The following TLL1 variants were observed in gnomAD, a reference collection of about 807,000 sequenced individuals.
The protein encoded by TLL1 is tolloid-like protein 1.
Under a neutral mutation model 128.2 loss-of-function variants are expected in TLL1, and 49 were observed. The ratio of observed to expected loss-of-function variants is 0.38; its 90% CI spans 0.30 to 0.48. The LOEUF (loss-of-function observed/expected upper bound fraction) is 0.48. Among genes scored for constraint, TLL1 ranks in the 20% least tolerant of loss-of-function variants. The probability of loss-of-function intolerance (pLI) is 0.96; values close to 1 mark genes in which losing one functional copy is unlikely to be tolerated. For synonymous variants in TLL1, 454 were observed against 418.8 expected (o/e 1.08, Z -1.03); for missense variants, 1,123 against 1,242.0 (o/e 0.90, Z 1.44).
At chr4:166,001,573 T>C (rs1737152640) in intron 5 of TLL1, among the ~76,000 whole-genome samples, 1 of 151,932 alleles carries the variant, frequency 6.6e-6, no homozygotes, top group Admixed American at 6.6e-5. Context: ...CCAAGACAGG[T>C]GGATCACCTG....
chr4:165,937,263 G>C (rs574177383), intron 1 of TLL1, among the ~76,000 whole-genome samples: 1 of 152,200 alleles, frequency 6.6e-6, no homozygotes, highest in South Asian at 2.1e-4. Flanking sequence ...TGATGTGTTT[G>C]TTCAAATATG....
At chr4:165,944,673 A>C (rs1051779853) in intron 1 of TLL1, among the ~76,000 whole-genome samples, 1 of 152,138 alleles carries the variant, frequency 6.6e-6, no homozygotes, top group Admixed American at 6.6e-5. Flanking sequence ...AACCAGGAGA[A>C]ACCCAGTAGG....
intron 5 of TLL1, among the ~76,000 whole-genome samples, chr4:166,000,870 A>G (rs1737116535): frequency 6.6e-6 from 1 of 152,150 alleles, no homozygotes; most frequent in South Asian, 2.1e-4. Flanking sequence ...TTCACCCACC[A>G]ATCACCTCTT....
At chr4:166,087,591 T>A (rs1431731434) in intron 18 of TLL1, among the ~76,000 whole-genome samples, 2 of 152,174 alleles carry the variant, frequency 1.3e-5, no homozygotes, top group African/African-American at 4.8e-5. Context: ...CTTCTTTTAG[T>A]TTAAATGTTC....
At position 166,102,347 on chromosome 4, in the gene TLL1, T is replaced by C. The variant is rs945529615; in HGVS notation, c.*1471T>C. 3.3e-5 allele frequency: 5 copies of C among 152,438 alleles called. No homozygotes were observed. Among genetic ancestry groups the C allele is most frequent in the African/African-American group, 1.2e-4 (5 of 41,438 alleles). The allele number at this position is 152,438 out of a possible 1,614,324, so 9.4% of individuals were successfully genotyped here. Reference sequence around the variant, plus strand: ...GAATTTTCTGCTTTAAAGGCATGTGTGTTTTTAAAATTAATGAATGTAGAT... The same window carrying C: ...GAATTTTCTGCTTTAAAGGCATGTGCGTTTTTAAAATTAATGAATGTAGAT... On this transcript the variant is annotated 3_prime_UTR_variant, in exon 21 of 21. Transcript: ENST00000061240.
chr4:166,103,802 G>A lies in TLL1; in HGVS notation c.*2926G>A, dbSNP rs940922735. On this transcript the variant is annotated 3_prime_UTR_variant, in exon 21 of 21. Coordinates refer to ENST00000061240, the MANE Select transcript of TLL1 (RefSeq NM_012464.5). ...TCCACCCTACATCAGTATATTGGTT[G>A]TGCTTTATATTTGCCAAAGTCCTAA... 7 of 148,170 alleles carry A rather than the reference G, an allele frequency of 4.7e-5. No homozygotes were observed. The highest frequency in any genetic ancestry group is 1.7e-4 in the African/African-American group (7 of 40,076). 9.2% of individuals were successfully genotyped at this position (148,170 alleles called of 1,614,324 possible).
In TLL1 at chr4:166,074,962, A is replaced by G. The variant is rs751499187; in HGVS notation, c.2273A>G (p.Asn758Ser). 2 of 1,613,674 alleles carry G rather than the reference A, an allele frequency of 1.2e-6. No homozygotes were observed. The highest frequency in any genetic ancestry group is 2.2e-5 in the East Asian group (1 of 44,830). Residue 758 changes from asparagine to serine, a missense_variant, in exon 17 of 21, where the codon AAT (asparagine) becomes AGT (serine). Transcript: ENST00000061240. Reference sequence around the variant, plus strand: ...GGGAGCTACATGTGTCAATGCCGTAATGGATTTGTGCTACATGACAATAAA... The same window carrying G: ...GGGAGCTACATGTGTCAATGCCGTAGTGGATTTGTGCTACATGACAATAAA... Reference protein sequence around the residue: ...TMGSYMCQCRNGFVLHDNKHD... With the variant: ...TMGSYMCQCRSGFVLHDNKHD...
chr4:166,062,896 A>T (rs1244696882), intron 15 of TLL1, among the ~76,000 whole-genome samples: 1 of 152,168 alleles, frequency 6.6e-6, no homozygotes. Context: ...ACATCCCATC[A>T]ATACCTAGTT....
At chr4:165,946,529 G>A (rs998831108) in intron 1 of TLL1, among the ~76,000 whole-genome samples, 3 of 142,564 alleles carry the variant, frequency 2.1e-5, no homozygotes, top group East Asian at 4.1e-4. Context: ...TTGTAGAGAC[G>A]AGGTTTTCCC....
chr4:165,974,509 A>T lies in TLL1; in HGVS notation c.170-14872A>T, dbSNP rs563849967. On this transcript the variant is annotated intron_variant, in intron 1 of 20. Transcript: ENST00000061240. ...ATTTTTGTATATTACCGAGAAGGTT[A>T]TCTGGCTTTCACTCATAGCTTTTAA... 7.9e-5 allele frequency among the ~76,000 whole-genome samples: 12 copies of T among 152,290 alleles called. No individual in the cohort carries two copies. The East Asian group carries it at 1.9e-3, about 25-fold the overall frequency.
intron 1 of TLL1, among the ~76,000 whole-genome samples, chr4:165,894,406 G>A (rs944976842): frequency 1.3e-5 from 2 of 152,230 alleles, no homozygotes; most frequent in African/African-American, 4.8e-5. Context: ...ATGCAAACTG[G>A]TACTTAACGG....
intron 1 of TLL1, among the ~76,000 whole-genome samples, chr4:165,922,238 T>G (rs1361579774): frequency 2.0e-5 from 3 of 152,176 alleles, no homozygotes; most frequent in South Asian, 4.1e-4. Context: ...CAACATAAAC[T>G]TAAGAGGAGT....
intron 12 of TLL1, among the ~76,000 whole-genome samples, chr4:166,053,530 A>C (rs572591219): frequency 3.3e-4 from 50 of 152,302 alleles, no homozygotes; most frequent in African/African-American, 1.2e-3. Context: ...ACTAGGAAGC[A>C]GCAAATGTAG....
At chr4:165,973,262 C>A (rs532467347) in intron 1 of TLL1, among the ~76,000 whole-genome samples, 1 of 152,132 alleles carries the variant, frequency 6.6e-6, no homozygotes, top group Non-Finnish European at 1.5e-5. Flanking sequence ...GATAGTGCAG[C>A]CTTTACCATC....
chr4:166,099,194 C>T, intron 19 of TLL1, 83 bp from the exon 20 acceptor site: 1 of 1,588,584 alleles, frequency 6.3e-7, no homozygotes, highest in African/African-American at 1.3e-5. Flanking sequence ...AATGGCTAGG[C>T]TACACTGAAA....
In TLL1 at chr4:166,101,845, TTGAAA is replaced by T. The variant is rs1378912712; in HGVS notation, c.*974_*978del. 6.6e-6 allele frequency: 1 copy of T among 152,476 alleles called. No homozygotes were observed. The highest frequency in any genetic ancestry group is 1.5e-5 in the Non-Finnish European group (1 of 67,964). 9.4% of individuals were successfully genotyped at this position (152,476 alleles called of 1,614,324 possible). A position where few individuals can be genotyped will look rare whatever the true frequency, so the allele number is the denominator to read the frequency against. On this transcript the variant is annotated 3_prime_UTR_variant, in exon 21 of 21. Coordinates refer to ENST00000061240, the MANE Select transcript of TLL1 (RefSeq NM_012464.5). ...GTCATGGTTAATCTATTTTTTAAAA[TTGAAA>T]TGAAGCAGAAGTAGGCCTTGTGAGA...
At position 165,945,465 on chromosome 4, in the gene TLL1, G is replaced by C. The variant is rs184229317; in HGVS notation, c.170-43916G>C. 5.9e-5 allele frequency among the ~76,000 whole-genome samples: 9 copies of C among 152,248 alleles called. No individual in the cohort carries two copies. In the East Asian group the frequency reaches 1.7e-3, roughly 30 times the overall value. On this transcript the variant is annotated intron_variant, in intron 1 of 20. Coordinates refer to ENST00000061240, the MANE Select transcript of TLL1 (RefSeq NM_012464.5). ...ATGGTTGGTGATTCATCAGAGGGCA[G>C]AGATAATGGTAGGGCTTTCAGTGTG...
At chr4:166,018,282 A>G (rs72974343) in intron 8 of TLL1, among the ~76,000 whole-genome samples, 66 of 152,198 alleles carry the variant, frequency 4.3e-4, no homozygotes, top group African/African-American at 1.6e-3. Context: ...TTCACCGTAT[A>G]TAACCATATA....
intron 8 of TLL1, among the ~76,000 whole-genome samples, chr4:166,023,372 C>G (rs1372442626): frequency 1.3e-5 from 2 of 151,996 alleles, no homozygotes; most frequent in East Asian, 3.9e-4. Context: ...TGCACTCCAG[C>G]CTGGGTGACA....
Sources: allele counts gnomAD v4.1 joint callset (sites outside exome capture counted in the v4.1 genomes callset), GRCh38; gene constraint gnomAD v4.1.1; transcripts MANE v1.5; gene names NCBI Gene and HGNC (gene_info 2026-07-23, HGNC 2026-07-21).